Variants in LRP1B observed in about 807,000 individuals in gnomAD.
LRP1B encodes low-density lipoprotein receptor-related protein 1B.
LRP1B carries 217 observed loss-of-function variants against 556.6 expected under a neutral mutation model. The ratio of observed to expected loss-of-function variants is 0.39; its 90% CI spans 0.35 to 0.44. The LOEUF (loss-of-function observed/expected upper bound fraction) is 0.44. LRP1B is among the 20% of genes least tolerant of loss of function. LRP1B has a pLI of 1.00. For missense variants in LRP1B, 5,053 were observed against 5,620.8 expected, an observed-to-expected ratio of 0.90 and a Z score of 3.23; for synonymous variants, 2,047 against 1,865.8, an observed-to-expected ratio of 1.10 and a Z score of -2.50.
intron 2 of LRP1B, among the ~76,000 whole-genome samples, chr2:141,705,009 A>C (rs1043042308): frequency 6.6e-6 from 1 of 152,028 alleles, no homozygotes; most frequent in South Asian, 2.1e-4. Flanking sequence ...GAGACAAAAC[A>C]TCTGCTCCTT....
chr2:140,246,692 A>G (rs74738162), intron 87 of LRP1B, among the ~76,000 whole-genome samples: 23,232 of 151,492 alleles, frequency 0.15, 2,178 homozygotes, highest in East Asian at 0.34. Context: ...CCCCCAAGAC[A>G]CATTGAAATG....
At chr2:141,820,225 A>C (rs1247423354) in intron 1 of LRP1B, among the ~76,000 whole-genome samples, 1 of 152,208 alleles carries the variant, frequency 6.6e-6, no homozygotes, top group Admixed American at 6.5e-5. Flanking sequence ...ACTTAGCCAA[A>C]TATGTTATAG....
chr2:140,974,058 CATG>C (rs1696517041), intron 18 of LRP1B, among the ~76,000 whole-genome samples: 1 of 152,106 alleles, frequency 6.6e-6, no homozygotes, highest in Admixed American at 6.6e-5. Flanking sequence ...GTTGCTTGGA[CATG>C]ATGGTGTCTT....
intron 3 of LRP1B, among the ~76,000 whole-genome samples, chr2:141,273,975 T>C (rs938731212): frequency 3.9e-5 from 6 of 152,228 alleles, no homozygotes; most frequent in South Asian, 2.1e-4. Flanking sequence ...TCAACGTCTG[T>C]AATCATTATG....
At chr2:140,442,142 CAA>C (rs3035577) in intron 66 of LRP1B, among the ~76,000 whole-genome samples, 36,289 of 147,300 alleles carry the variant, frequency 0.25, 4,653 homozygotes, top group Non-Finnish European at 0.29. Context: ...GGGATTTAAG[CAA>C]AAAAAAAATG....
rs143649928 is a variant in LRP1B at position 141,754,822 on chromosome 2, A to C, written c.205+55457T>G. Reference sequence around the variant, plus strand: ...ATGAAACTTAAACTAATAAATTATGAAATCATATATCTTGACAGATGATAT... The same window carrying C: ...ATGAAACTTAAACTAATAAATTATGCAATCATATATCTTGACAGATGATAT... On this transcript the variant is annotated intron_variant, in intron 2 of 90. Transcript: ENST00000389484. Among the ~76,000 whole-genome samples the C allele has an allele frequency of 3.0e-3, 458 of 152,292 alleles. 23 individuals are homozygous for C. Among genetic ancestry groups the C allele is most frequent in the Admixed American group, 0.027 (408 of 15,300 alleles).
intron 1 of LRP1B, among the ~76,000 whole-genome samples, chr2:141,873,121 GCTATTA>G (rs1698643206): frequency 6.6e-6 from 1 of 151,930 alleles, no homozygotes; most frequent in South Asian, 2.1e-4. Context: ...ACATAAATAT[GCTATTA>G]CATGTTTTGA....
intron 2 of LRP1B, among the ~76,000 whole-genome samples, chr2:141,536,033 T>C (rs1182222341): frequency 6.6e-6 from 1 of 152,114 alleles, no homozygotes; most frequent in Non-Finnish European, 1.5e-5. Flanking sequence ...TCAATGTACA[T>C]GCAAGATTGT....
intron 66 of LRP1B, among the ~76,000 whole-genome samples, chr2:140,396,169 C>T (rs1216231891): frequency 6.6e-6 from 1 of 152,092 alleles, no homozygotes; most frequent in East Asian, 1.9e-4. Context: ...TCCTTGAGCC[C>T]CTGTTACAGA....
intron 41 of LRP1B, among the ~76,000 whole-genome samples, chr2:140,680,890 T>C (rs1331117521): frequency 6.6e-6 from 1 of 152,228 alleles, no homozygotes; most frequent in African/African-American, 2.4e-5. Flanking sequence ...TGATTTACAC[T>C]TTCTAACAGA....
rs140017613 is a variant in LRP1B at position 141,643,580 on chromosome 2, A to G, written c.206-163047T>C. ...AGCTATCTGCATACACATAAGTACAAACTAGTTGAAACGATTGTGAATTGG... is the reference window on the plus strand; with the variant it reads ...AGCTATCTGCATACACATAAGTACAGACTAGTTGAAACGATTGTGAATTGG... On this transcript the variant is annotated intron_variant, in intron 2 of 90. Transcript: ENST00000389484. 1.7e-3 allele frequency among the ~76,000 whole-genome samples: 265 copies of G among 152,258 alleles called. 5 individuals are homozygous for G. The East Asian group carries it at 0.043, about 24-fold the overall frequency.
chr2:140,946,569 C>T (rs9679084), intron 20 of LRP1B, among the ~76,000 whole-genome samples: 94,573 of 151,942 alleles, frequency 0.62, 31,766 homozygotes, highest in South Asian at 0.75. Context: ...CCACTGCACT[C>T]CAGCTTGGGC....
chr2:141,927,903 C>CAAAAAAAAAA (rs5834879), intron 1 of LRP1B, among the ~76,000 whole-genome samples: 3 of 111,036 alleles, frequency 2.7e-5, no homozygotes, highest in East Asian at 2.7e-4. Flanking sequence ...CTTGGCTTTA[C>CAAAAAAAAAA]AAAAAAAAAA....
At chr2:140,589,318 T>C (rs1047906965) in intron 43 of LRP1B, among the ~76,000 whole-genome samples, 10 of 152,130 alleles carry the variant, frequency 6.6e-5, no homozygotes, top group African/African-American at 2.2e-4. Context: ...ATCTAGAATA[T>C]ATAAATAACT....
intron 41 of LRP1B, among the ~76,000 whole-genome samples, chr2:140,640,148 G>A (rs921078964): frequency 2.0e-5 from 3 of 151,380 alleles, no homozygotes; most frequent in Admixed American, 6.6e-5. Context: ...GACTACGGGC[G>A]CCCGCCACCT....
intron 37 of LRP1B, among the ~76,000 whole-genome samples, chr2:140,705,158 T>G (rs1460395473): frequency 6.6e-6 from 1 of 152,048 alleles, no homozygotes; most frequent in Non-Finnish European, 1.5e-5. Context: ...CACAGAAATA[T>G]ATAATGATAT....
rs145487835 is a variant in LRP1B, at chr2:141,216,314, G to T, written c.850+12869C>A. On this transcript the variant is annotated intron_variant, in intron 6 of 90. Coordinates refer to ENST00000389484, the MANE Select transcript of LRP1B (RefSeq NM_018557.3). ...ATGTGGTGTTATGCCCACACTTGCA[G>T]AGAGTATAAGAGTGGTGAAGGCTTG... 8.6e-4 allele frequency among the ~76,000 whole-genome samples: 131 copies of T among 152,360 alleles called. 1 individual carries two copies. The highest frequency in any genetic ancestry group is 1.3e-3 in the Non-Finnish European group (91 of 68,040).
At chr2:141,392,802 C>T (rs189090991) in intron 3 of LRP1B, among the ~76,000 whole-genome samples, 13 of 152,238 alleles carry the variant, frequency 8.5e-5, no homozygotes, top group African/African-American at 2.9e-4. Context: ...TTCAATCTGT[C>T]GAGTCATGTA....
At chr2:141,766,148 C>G (rs1236432552) in intron 2 of LRP1B, among the ~76,000 whole-genome samples, 1 of 151,942 alleles carries the variant, frequency 6.6e-6, no homozygotes, top group African/African-American at 2.4e-5. Flanking sequence ...AAAGGATTGT[C>G]AAGAAATAAT....
Sources: allele counts gnomAD v4.1 joint callset (sites outside exome capture counted in the v4.1 genomes callset), GRCh38; gene constraint gnomAD v4.1.1; transcripts MANE v1.5; gene names NCBI Gene and HGNC (gene_info 2026-07-23, HGNC 2026-07-21).